The following HS3ST4 variants were observed in gnomAD, a reference collection of about 807,000 sequenced individuals.
HS3ST4 encodes the protein heparan sulfate glucosamine 3-O-sulfotransferase 4.
A neutral mutation model predicts 29.2 loss-of-function variants in HS3ST4; 17 were observed. That is an observed-to-expected ratio of 0.58 (90% CI 0.40 to 0.87). The LOEUF is 0.87. HS3ST4 is among the 40% of genes least tolerant of loss of function. The pLI is 0.00. For missense variants in HS3ST4, 627 were observed against 634.5 expected (o/e 0.99, Z 0.13); for synonymous variants, 314 against 285.7 (o/e 1.10, Z -1.00).
At chr16:26,006,234 G>A (rs1369276458) in intron 1 of HS3ST4, among the ~76,000 whole-genome samples, 1 of 146,350 alleles carries the variant, frequency 6.8e-6, no homozygotes, top group African/African-American at 2.5e-5. Context: ...AGGAGGCAGA[G>A]GTTGCAGTGA....
At chr16:25,702,424 G>A (rs1356613884) in intron 1 of HS3ST4, among the ~76,000 whole-genome samples, 2 of 152,162 alleles carry the variant, frequency 1.3e-5, no homozygotes, top group Admixed American at 6.5e-5. Context: ...AGCAAAAATT[G>A]CAAGGGACTT....
At chr16:25,717,790 C>T (rs1966466620) in intron 1 of HS3ST4, among the ~76,000 whole-genome samples, 1 of 151,976 alleles carries the variant, frequency 6.6e-6, no homozygotes, top group South Asian at 2.1e-4. Flanking sequence ...AGAGGGGTGG[C>T]ACGTTCAGGC....
At chr16:25,829,205 A>G (rs968396820) in intron 1 of HS3ST4, among the ~76,000 whole-genome samples, 4 of 152,218 alleles carry the variant, frequency 2.6e-5, no homozygotes, top group Non-Finnish European at 5.9e-5. Flanking sequence ...GCCTCCCTTC[A>G]TGGAGACTTG....
At chr16:25,916,692 T>TTTTTTTC (rs1968296712) in intron 1 of HS3ST4, among the ~76,000 whole-genome samples, 1 of 147,244 alleles carries the variant, frequency 6.8e-6, no homozygotes, top group African/African-American at 2.5e-5. Context: ...TTTTTTTTTT[T>TTTTTTTC]TTTTTGAGAC....
chr16:25,764,467 A>C (rs1322921026), intron 1 of HS3ST4, among the ~76,000 whole-genome samples: 1 of 152,096 alleles, frequency 6.6e-6, no homozygotes, highest in Non-Finnish European at 1.5e-5. Flanking sequence ...GTGTGTGTAC[A>C]TGTGTGTGTG....
At chr16:25,959,906 G>T (rs1369845398) in intron 1 of HS3ST4, among the ~76,000 whole-genome samples, 1 of 152,090 alleles carries the variant, frequency 6.6e-6, no homozygotes, top group African/African-American at 2.4e-5. Context: ...AGGCCGAGGT[G>T]TGTGGATCAC....
chr16:26,029,569 T>C (rs1340688782), intron 1 of HS3ST4, among the ~76,000 whole-genome samples: 1 of 152,112 alleles, frequency 6.6e-6, no homozygotes, highest in African/African-American at 2.4e-5. Context: ...TGCGCCACCA[T>C]GCCCGGCTAA....
chr16:25,892,875 GTCC>G (rs1425195701), intron 1 of HS3ST4, among the ~76,000 whole-genome samples: 2 of 152,176 alleles, frequency 1.3e-5, no homozygotes, highest in African/African-American at 4.8e-5. Flanking sequence ...AGACAGCAAA[GTCC>G]TTGACCTCAC....
chr16:26,006,214 G>T (rs1040126524), intron 1 of HS3ST4, among the ~76,000 whole-genome samples: 2 of 143,054 alleles, frequency 1.4e-5, no homozygotes, highest in Non-Finnish European at 3.0e-5. Flanking sequence ...CAGGAGAATT[G>T]CTTGAACCCA....
At chr16:25,941,405 C>G (rs766226511) in intron 1 of HS3ST4, among the ~76,000 whole-genome samples, 1 of 147,836 alleles carries the variant, frequency 6.8e-6, no homozygotes, top group African/African-American at 2.5e-5. Context: ...TGATCTGCCC[C>G]ACCTTGGCCA....
intron 1 of HS3ST4, among the ~76,000 whole-genome samples, chr16:26,003,181 A>T (rs1321809796): frequency 1.3e-5 from 2 of 152,190 alleles, no homozygotes; most frequent in African/African-American, 2.4e-5. Flanking sequence ...ATATAACATA[A>T]TGTTTCAACT....
chr16:25,738,388 C>A (rs1242447132), intron 1 of HS3ST4, among the ~76,000 whole-genome samples: 2 of 152,204 alleles, frequency 1.3e-5, no homozygotes, highest in Non-Finnish European at 2.9e-5. Flanking sequence ...TTTGAATAGT[C>A]CAATCTTGTT....
At chr16:25,893,397 G>A (rs1320907205) in intron 1 of HS3ST4, among the ~76,000 whole-genome samples, 1 of 152,222 alleles carries the variant, frequency 6.6e-6, no homozygotes, top group African/African-American at 2.4e-5. Flanking sequence ...AGCAGCTTCT[G>A]TGGACAAAGT....
chr16:25,831,452 G>A (rs1054448679), intron 1 of HS3ST4, among the ~76,000 whole-genome samples: 1 of 140,138 alleles, frequency 7.1e-6, no homozygotes, highest in African/African-American at 2.7e-5. Flanking sequence ...CAAACCTGAC[G>A]TGGTCACATT....
At chr16:25,872,719 A>G (rs932428614) in intron 1 of HS3ST4, among the ~76,000 whole-genome samples, 3 of 152,224 alleles carry the variant, frequency 2.0e-5, no homozygotes, top group African/African-American at 4.8e-5. Flanking sequence ...AGCAAGTCAC[A>G]TAGACAAGGC....
At chr16:26,005,442 C>T (rs945964654) in intron 1 of HS3ST4, among the ~76,000 whole-genome samples, 9 of 152,084 alleles carry the variant, frequency 5.9e-5, no homozygotes, top group South Asian at 2.1e-4. Context: ...TTAGCATTTA[C>T]GCTAATCAGC....
chr16:25,828,298 TTCCCTCTCTCTCTCTCTCTCTCTCTC>T (rs1967252801), intron 1 of HS3ST4, among the ~76,000 whole-genome samples: 5 of 27,886 alleles, frequency 1.8e-4, no homozygotes, highest in African/African-American at 5.7e-4. Flanking sequence ...CTTTCTTTCT[TTCCCTCTCTCTCTCTCTCTCTCTCTC>T]TCTCTCTCTC....
intron 1 of HS3ST4, among the ~76,000 whole-genome samples, chr16:25,739,781 C>G (rs1006585591): frequency 1.3e-5 from 2 of 152,160 alleles, no homozygotes; most frequent in Admixed American, 6.5e-5. Flanking sequence ...TCCACTTAAG[C>G]TTTCTTTGAG....
chr16:25,699,713 G>A (rs780139096), intron 1 of HS3ST4, among the ~76,000 whole-genome samples: 5 of 152,204 alleles, frequency 3.3e-5, no homozygotes, highest in African/African-American at 4.8e-5. Context: ...TTCAGAAAGA[G>A]GAAGCTGTGG....
Sources: allele counts gnomAD v4.1 joint callset (sites outside exome capture counted in the v4.1 genomes callset), GRCh38; gene constraint gnomAD v4.1.1; transcripts MANE v1.5; gene names NCBI Gene and HGNC (gene_info 2026-07-23, HGNC 2026-07-21).